Variants in RASSF2 observed in about 807,000 individuals in gnomAD.
RASSF2 encodes the protein ras association domain-containing protein 2.
In RASSF2, 34 loss-of-function variants were observed where a neutral mutation model predicts 46.3. The ratio of observed to expected loss-of-function variants is 0.73; its 90% CI spans 0.56 to 0.98. RASSF2 has a LOEUF of 0.98. Ranked by LOEUF, RASSF2 falls within the 50% of genes least tolerant of loss-of-function variation. The pLI, the probability that RASSF2 is intolerant of heterozygous loss-of-function variation, is 0.00. For missense variants in RASSF2, 364 were observed against 431.2 expected (o/e 0.84, Z 1.38); for synonymous variants, 158 against 162.5 (o/e 0.97, Z 0.21).
intron 2 of RASSF2, among the ~76,000 whole-genome samples, chr20:4,802,891 TATATAC>T (rs1271387394): frequency 4.0e-5 from 4 of 99,802 alleles, no homozygotes; most frequent in East Asian, 5.7e-4. Flanking sequence ...TGTATATATA[TATATAC>T]ATATATATAT....
intron 4 of RASSF2, 152 bp from the exon 5 acceptor site, chr20:4,796,118 G>C (rs2423006): frequency 0.39 from 251,297 of 645,680 alleles, 52,373 homozygotes; most frequent in African/African-American, 0.47. Flanking sequence ...AGTTCACACC[G>C]CAGCTCTGAG....
intron 10 of RASSF2, among the ~76,000 whole-genome samples, chr20:4,787,083 G>T (rs1236346014): frequency 2.0e-5 from 3 of 151,798 alleles, no homozygotes; most frequent in Admixed American, 6.6e-5. Flanking sequence ...GTTAAAAAAT[G>T]GCTTCCCTTT....
chr20:4,814,602 G>C lies in RASSF2; in HGVS notation c.-33+7727C>G, dbSNP rs567715622. Among the ~76,000 whole-genome samples, 212 of 152,288 alleles carry C rather than the reference G, an allele frequency of 1.4e-3. 1 individual carries two copies. Among genetic ancestry groups the C allele is most frequent in the Middle Eastern group, 0.01 (3 of 294 alleles). On this transcript the variant is annotated intron_variant, in intron 2 of 11. Coordinates refer to ENST00000379400, the MANE Select transcript of RASSF2 (RefSeq NM_014737.3). ...GTTCCTTGGACTTGAAAAGCAGTGA[G>C]TGGGAAGAGCAAAGGAAGTGCCGGG...
At chr20:4,807,499 G>A (rs1371351775) in intron 2 of RASSF2, among the ~76,000 whole-genome samples, 7 of 152,216 alleles carry the variant, frequency 4.6e-5, no homozygotes, top group East Asian at 3.8e-4. Context: ...CAAAGGACAC[G>A]CACAGTAGTT....
chr20:4,805,270 G>A (rs1927252755), intron 2 of RASSF2, among the ~76,000 whole-genome samples: 1 of 152,248 alleles, frequency 6.6e-6, no homozygotes, highest in African/African-American at 2.4e-5. Flanking sequence ...AACCACCAGT[G>A]TCCTTATAAG....
intron 10 of RASSF2, 23 bp from the exon 11 acceptor site, chr20:4,786,351 G>A (rs761977755): frequency 1.5e-5 from 23 of 1,517,358 alleles, no homozygotes; most frequent in East Asian, 4.5e-5. Context: ...AAGCAAGTCT[G>A]GGTGAATGCC....
chr20:4,784,191 T>G lies in RASSF2; in HGVS notation c.*82A>C. On this transcript the variant is annotated 3_prime_UTR_variant, in exon 12 of 12. Coordinates refer to ENST00000379400, the MANE Select transcript of RASSF2 (RefSeq NM_014737.3). ...GGAGGTTTGTGTCTAAATGTTTCCA[T>G]GGAAAGAAAGTGCCTAGCTTCCTGG... The G allele has an allele frequency of 7.1e-7, 1 of 1,404,608 alleles. No homozygotes were observed. The highest frequency in any genetic ancestry group is 1.0e-6 in the Non-Finnish European group (1 of 990,642). The allele number at this position is 1,404,608 out of a possible 1,614,324, so 87.0% of individuals were successfully genotyped here.
At chr20:4,796,018 C>G in intron 4 of RASSF2, 52 bp from the exon 5 acceptor site, 2 of 1,448,876 alleles carry the variant, frequency 1.4e-6, no homozygotes, top group South Asian at 1.5e-5. Context: ...CCACAGAAGC[C>G]AAGACCATGC....
At position 4,783,434 on chromosome 20, in the gene RASSF2, C is replaced by T. The variant is rs529350146; in HGVS notation, c.*839G>A. 45 of 152,530 alleles carry T rather than the reference C, an allele frequency of 3.0e-4. No individual in the cohort carries two copies. Among genetic ancestry groups the T allele is most frequent in the Non-Finnish European group, 4.3e-4 (29 of 68,092 alleles). The allele number at this position is 152,530 out of a possible 1,614,324, so 9.4% of individuals were successfully genotyped here. ...CATTTCCTTCCACTCAAGGAAGCGC[C>T]ATAGAGACAGGCTGTCAGCTGGGTA... On this transcript the variant is annotated 3_prime_UTR_variant, in exon 12 of 12. Transcript: ENST00000379400.
chr20:4,787,633 G>A lies in RASSF2; in HGVS notation c.813C>T (p.Asp271=), dbSNP rs551169225. ...EKDQVEEVTY[D]VAQYIKFEMP... is the part of the protein sequence containing the mutation. ...ATCGCCTGACCCAAAGGGAACTCAC[G>A]TCGTAGGTGACTTCCTCCACCTGGT... Residue 271 remains aspartate, a splice_region_variant and synonymous_variant, in exon 10 of 12, where the codon GAC becomes GAT. Coordinates refer to ENST00000379400, the MANE Select transcript of RASSF2 (RefSeq NM_014737.3). The A allele has an allele frequency of 1.8e-5, 29 of 1,614,144 alleles. 1 individual carries two copies. The highest frequency in any genetic ancestry group is 1.7e-4 in the Middle Eastern group (1 of 6,060).
At chr20:4,793,111 A>T (rs1316181622) in intron 5 of RASSF2, 1 of 165,218 alleles carries the variant, frequency 6.1e-6, no homozygotes, top group Non-Finnish European at 1.3e-5. Flanking sequence ...GGAAAGTAAT[A>T]AGTTGGCCAC....
chr20:4,820,509 C>A (rs1928620198), intron 2 of RASSF2, among the ~76,000 whole-genome samples: 1 of 151,298 alleles, frequency 6.6e-6, no homozygotes, highest in Non-Finnish European at 1.5e-5. Flanking sequence ...GACCCTATGT[C>A]AAAAAATAAT....
In RASSF2 at chr20:4,790,844, C is replaced by T. The variant is rs1473775812; in HGVS notation, c.377-233G>A. On this transcript the variant is annotated intron_variant, in intron 6 of 11. Transcript: ENST00000379400. The surrounding 1 kb of genome is among the most constrained non-coding windows in gnomAD (Gnocchi z 4.3). ...ACTCCCTGGGTTCAAATCCCTGCTC[C>T]ATGATTGCCATATATCACTAACCTC... Among the ~76,000 whole-genome samples the T allele has an allele frequency of 6.6e-6, 1 of 152,152 alleles. No homozygotes were observed. The highest frequency in any genetic ancestry group is 1.5e-5 in the Non-Finnish European group (1 of 68,040).
At chr20:4,810,260 A>G (rs1265521804) in intron 2 of RASSF2, among the ~76,000 whole-genome samples, 2 of 152,192 alleles carry the variant, frequency 1.3e-5, no homozygotes, top group East Asian at 3.8e-4. Flanking sequence ...TCCTTCCCAC[A>G]GATGCCACTT....
intron 2 of RASSF2, among the ~76,000 whole-genome samples, chr20:4,815,432 C>CA (rs926542282): frequency 1.4e-4 from 22 of 152,180 alleles, no homozygotes; most frequent in Non-Finnish European, 2.1e-4. Context: ...TCATGGACTC[C>CA]ACCAGTTAAA....
At chr20:4,802,910 A>T (rs1057201258) in intron 2 of RASSF2, among the ~76,000 whole-genome samples, 131 of 64,702 alleles carry the variant, frequency 2.0e-3, no homozygotes, top group African/African-American at 5.9e-3. Flanking sequence ...ATATATATAT[A>T]TATATTTTTT....
At chr20:4,791,595 C>A (rs192240498) in intron 6 of RASSF2, among the ~76,000 whole-genome samples, 1 of 152,002 alleles carries the variant, frequency 6.6e-6, no homozygotes, top group Non-Finnish European at 1.5e-5. Context: ...ATTTAATCCA[C>A]GTAATATAAA....
chr20:4,800,819 T>C (rs1411289788), intron 3 of RASSF2, among the ~76,000 whole-genome samples, 153 bp downstream of exon 3: 1 of 152,018 alleles, frequency 6.6e-6, no homozygotes, highest in Non-Finnish European at 1.5e-5. Flanking sequence ...CTCTTACAAG[T>C]CCAAGTTCAG....
At chr20:4,786,490 G>A (rs1925351856) in intron 10 of RASSF2, among the ~76,000 whole-genome samples, 162 bp from the exon 11 acceptor site, 1 of 152,170 alleles carries the variant, frequency 6.6e-6, no homozygotes, top group Admixed American at 6.5e-5. Flanking sequence ...CCTCACCAGG[G>A]TGGGAAGGAG....
Sources: gnomAD v4.1 joint callset for allele counts (sites outside exome capture counted in the v4.1 genomes callset) on GRCh38, gnomAD v4.1.1 for gene constraint, Gnocchi (gnomAD v3.1) non-coding constraint, MANE v1.5 for transcripts, NCBI Gene and HGNC (gene_info 2026-07-23, HGNC 2026-07-21) for gene names.